PICALM: variants seen among roughly 807,000 people sequenced by gnomAD.
PICALM encodes the protein phosphatidylinositol-binding clathrin assembly protein.
In PICALM, 40 loss-of-function variants were observed where a neutral mutation model predicts 80.5. The ratio of observed to expected loss-of-function variants is 0.50; its 90% confidence interval spans 0.39 to 0.65. PICALM has a LOEUF of 0.65. PICALM is among the 30% of genes least tolerant of loss of function. The pLI, the probability that PICALM is intolerant of heterozygous loss-of-function variation, is 0.00. For missense variants in PICALM, 676 were observed against 778.9 expected, an observed-to-expected ratio of 0.87 and a Z score of 1.57; for synonymous variants, 288 against 260.3, an observed-to-expected ratio of 1.11 and a Z score of -1.02.
intron 1 of PICALM, among the ~76,000 whole-genome samples, chr11:86,035,790 A>C (rs867566295): frequency 3.5e-5 from 5 of 143,686 alleles, no homozygotes; most frequent in African/African-American, 5.2e-5. Context: ...TAAAAAAAAA[A>C]CACAAAAATT....
At chr11:86,036,690 A>AT (rs1330387369) in intron 1 of PICALM, among the ~76,000 whole-genome samples, 1 of 152,210 alleles carries the variant, frequency 6.6e-6, no homozygotes, top group East Asian at 1.9e-4. Flanking sequence ...ATGAAATACT[A>AT]TGAGGCCAAC....
chr11:86,012,184 A>C (rs546776463), intron 6 of PICALM, 97 bp downstream of exon 6: 69 of 563,672 alleles, frequency 1.2e-4, no homozygotes, highest in African/African-American at 1.2e-3. Flanking sequence ...AATATATCAT[A>C]ATAAATTTTT....
At chr11:86,008,349 T>C (rs1473246027) in intron 7 of PICALM, among the ~76,000 whole-genome samples, 3 of 152,142 alleles carry the variant, frequency 2.0e-5, no homozygotes, top group Non-Finnish European at 4.4e-5. Context: ...AGGCCAGATA[T>C]GGTGGCTCAT....
intron 1 of PICALM, among the ~76,000 whole-genome samples, chr11:86,045,653 T>C (rs1171499826): frequency 6.6e-6 from 1 of 151,998 alleles, no homozygotes; most frequent in Non-Finnish European, 1.5e-5. Context: ...TAAAATTTTA[T>C]ATAGATCTAT....
chr11:85,997,409 A>AT (rs1477521811), intron 11 of PICALM, among the ~76,000 whole-genome samples: 3 of 152,190 alleles, frequency 2.0e-5, no homozygotes, highest in Non-Finnish European at 4.4e-5. Context: ...CAGGGAAAAA[A>AT]TTTTACATGC....
chr11:86,035,067 CA>C (rs1443424573), intron 1 of PICALM, among the ~76,000 whole-genome samples: 1 of 149,856 alleles, frequency 6.7e-6, no homozygotes, highest in Non-Finnish European at 1.5e-5. Flanking sequence ...TAATTAAAAA[CA>C]AAAACAATAG....
chr11:86,010,148 A>C (rs558612866), intron 7 of PICALM, among the ~76,000 whole-genome samples: 1 of 152,226 alleles, frequency 6.6e-6, no homozygotes, highest in South Asian at 2.1e-4. Flanking sequence ...AAACCCCTTA[A>C]GAACGCCTCT....
At position 86,069,001 on chromosome 11, in the gene PICALM, C is replaced by T. The variant is rs1026760501; in HGVS notation, c.-221G>A. ...GGACAAGATGTCGGGCACTCCCTTGCCCCCGCCTCAGTTCAGCCCACCCCT... is the reference window on the plus strand; with the variant it reads ...GGACAAGATGTCGGGCACTCCCTTGTCCCCGCCTCAGTTCAGCCCACCCCT... On this transcript the variant is annotated 5_prime_UTR_variant, in exon 1 of 20. Transcript: ENST00000393346. 33 of 564,412 alleles carry T rather than the reference C, an allele frequency of 5.8e-5. No individual in the cohort carries two copies. Among genetic ancestry groups the T allele is most frequent in the Non-Finnish European group, 9.3e-5 (30 of 323,716 alleles). 35.0% of individuals were successfully genotyped at this position (564,412 alleles called of 1,614,324 possible).
chr11:85,981,807 A>G lies in PICALM; in HGVS notation c.1649-32T>C, dbSNP rs764330343. 30 of 1,612,234 alleles carry G rather than the reference A, an allele frequency of 1.9e-5. No homozygotes were observed. The Admixed American group carries it at 4.2e-4, about 22-fold the overall frequency. ...AAGGAGAAAAACAAAAAAGCATTTT[A>G]TAACACGAGACGCAGTTTAATAAAA... On this transcript the variant is annotated intron_variant, in intron 15 of 19. Transcript: ENST00000393346.
At chr11:86,017,241 T>C (rs114153083) in intron 4 of PICALM, among the ~76,000 whole-genome samples, 1,863 of 148,904 alleles carry the variant, frequency 0.013, 45 homozygotes, top group African/African-American at 0.044. Flanking sequence ...AAAAAAAAGT[T>C]AGCTTCTACC....
chr11:85,990,977 TAG>T (rs2094753749), intron 12 of PICALM, among the ~76,000 whole-genome samples: 1 of 152,222 alleles, frequency 6.6e-6, no homozygotes. Context: ...GTCCACTTAA[TAG>T]ACTGCGAACA....
chr11:86,016,751 G>A (rs576905615), intron 4 of PICALM, among the ~76,000 whole-genome samples: 7 of 152,218 alleles, frequency 4.6e-5, no homozygotes, highest in East Asian at 1.9e-4. Context: ...CCTCTTAGCC[G>A]TCTCTAATAA....
intron 12 of PICALM, among the ~76,000 whole-genome samples, chr11:85,994,237 A>G (rs2094886440): frequency 6.6e-6 from 1 of 152,200 alleles, no homozygotes; most frequent in South Asian, 2.1e-4. Context: ...ATGAAAACCT[A>G]GGTCTTCTCA....
chr11:86,012,339 C>A lies in PICALM; in HGVS notation c.600G>T (p.Leu200=), dbSNP rs766707578. Residue 200 remains leucine, a synonymous_variant, in exon 6 of 20, where the codon CTG becomes CTT. Transcript: ENST00000393346. ...CAAACAGTCTAATGGCATCTTTGAA[C>A]AGGAGCATGAAGGCAGCATTTATTA... The part of the protein sequence containing the change: ...NGVINAAFML[L]FKDAIRLFAA... The A allele has an allele frequency of 6.2e-7, 1 of 1,611,302 alleles. No homozygotes were observed. Among genetic ancestry groups the A allele is most frequent in the South Asian group, 1.1e-5 (1 of 90,866 alleles).
intron 14 of PICALM, chr11:85,982,284 AAAAAC>A (rs1185111214): frequency 3.7e-6 from 1 of 273,018 alleles, no homozygotes; most frequent in Non-Finnish European, 7.0e-6. Context: ...AAAAGAGAAA[AAAAAC>A]AAATGTAATT....
chr11:86,018,445 T>G (rs1008014699), intron 4 of PICALM, among the ~76,000 whole-genome samples: 1 of 152,222 alleles, frequency 6.6e-6, no homozygotes, highest in Non-Finnish European at 1.5e-5. Context: ...TATATCTCAA[T>G]GACTCATCAA....
At chr11:86,008,471 T>C (rs567706077) in intron 7 of PICALM, among the ~76,000 whole-genome samples, 1 of 152,040 alleles carries the variant, frequency 6.6e-6, no homozygotes, top group Non-Finnish European at 1.5e-5. Context: ...AATACAAAAA[T>C]TAGCCGGGCA....
chr11:86,042,413 C>G, intron 1 of PICALM, among the ~76,000 whole-genome samples: 1 of 151,936 alleles, frequency 6.6e-6, no homozygotes, highest in South Asian at 2.1e-4. Context: ...TTTATTTAAA[C>G]AATAAGAAAA....
intron 7 of PICALM, among the ~76,000 whole-genome samples, chr11:86,009,525 C>G (rs1004435722): frequency 6.6e-6 from 1 of 151,524 alleles, no homozygotes; most frequent in Non-Finnish European, 1.5e-5. Flanking sequence ...AACCCCGTCT[C>G]TACTAAAAAT....
Sources: allele counts gnomAD v4.1 joint callset (sites outside exome capture counted in the v4.1 genomes callset), GRCh38; gene constraint gnomAD v4.1.1; transcripts MANE v1.5; gene names NCBI Gene and HGNC (gene_info 2026-07-23, HGNC 2026-07-21).